Variants in TRIM62 observed in about 807,000 individuals in gnomAD.
TRIM62 encodes the protein tripartite motif containing 62, also known as E3 ubiquitin-protein ligase TRIM62.
A neutral mutation model predicts 44.2 loss-of-function variants in TRIM62; 39 were observed. That is an observed-to-expected ratio of 0.88 (90% CI 0.68 to 1.15). TRIM62 has a LOEUF of 1.15. TRIM62 is among the 50% of genes most tolerant of loss of function. The pLI is 0.00. For missense variants in TRIM62, 544 were observed against 665.5 expected, an observed-to-expected ratio of 0.82 and a Z score of 2.01; for synonymous variants, 278 against 292.3, an observed-to-expected ratio of 0.95 and a Z score of 0.50.
At chr1:33,173,318 G>A (rs1046727559) in intron 1 of TRIM62, among the ~76,000 whole-genome samples, 1 of 152,178 alleles carries the variant, frequency 6.6e-6, no homozygotes, top group Non-Finnish European at 1.5e-5. Context: ...AGACCTGGCC[G>A]GGCTGCACTT....
In TRIM62 at chr1:33,159,994, A is replaced by G. The variant is rs748734443; in HGVS notation, c.505-50T>C. On this transcript the variant is annotated intron_variant, in intron 2 of 4. Coordinates refer to ENST00000291416, the MANE Select transcript of TRIM62 (RefSeq NM_018207.3). The surrounding 1 kb of genome is among the most constrained non-coding windows in gnomAD (Gnocchi z 4.2). ...TATGGCTGGGGGAGCAGATGGGGTG[A>G]TCTCTGGGTGAGAGGAGGAAATCGA... is the stretch of plus-strand genomic sequence containing the variant. 8.2e-6 allele frequency: 13 copies of G among 1,579,574 alleles called. 1 individual carries two copies. The Middle Eastern group carries it at 6.7e-4, about 81-fold the overall frequency.
chr1:33,179,043 G>T (rs679602), intron 1 of TRIM62, among the ~76,000 whole-genome samples: 114,199 of 152,176 alleles, frequency 0.75, 42,857 homozygotes, highest in Admixed American at 0.78. Flanking sequence ...CTGTCTGGAA[G>T]TGTGGCCTTG....
At chr1:33,149,044 G>A (rs1645058632) in intron 4 of TRIM62, among the ~76,000 whole-genome samples, 1 of 152,132 alleles carries the variant, frequency 6.6e-6, no homozygotes. Context: ...TCTGCTTGTT[G>A]CAACCACCCC....
chr1:33,176,503 C>T (rs1211282713), intron 1 of TRIM62: 19 of 668,878 alleles, frequency 2.8e-5, no homozygotes, highest in Admixed American at 1.2e-4. Context: ...CTGGAGGGGG[C>T]GGCTGAGACT....
At chr1:33,153,459 G>A (rs949565532) in intron 4 of TRIM62, among the ~76,000 whole-genome samples, 1 of 152,198 alleles carries the variant, frequency 6.6e-6, no homozygotes, top group Non-Finnish European at 1.5e-5. Flanking sequence ...ATTTTTGGTT[G>A]TTACAACTGA....
At chr1:33,176,225 C>T (rs2147988916) in intron 1 of TRIM62, among the ~76,000 whole-genome samples, 1 of 152,366 alleles carries the variant, frequency 6.6e-6, no homozygotes. Flanking sequence ...TATTTAGCAA[C>T]TCTTTCTCTC....
chr1:33,170,175 C>G (rs1037257044), intron 1 of TRIM62, among the ~76,000 whole-genome samples: 1 of 152,102 alleles, frequency 6.6e-6, no homozygotes, highest in Non-Finnish European at 1.5e-5. Context: ...ACTAAAAATA[C>G]AAAAATTAGC....
chr1:33,174,962 T>TAC (rs1557762433), intron 1 of TRIM62, among the ~76,000 whole-genome samples: 8 of 102,420 alleles, frequency 7.8e-5, no homozygotes, highest in African/African-American at 2.5e-4. Context: ...TATATATATA[T>TAC]ATATATACAC....
chr1:33,150,350 A>G (rs1312888591), intron 4 of TRIM62, among the ~76,000 whole-genome samples: 2 of 152,244 alleles, frequency 1.3e-5, no homozygotes, highest in Non-Finnish European at 2.9e-5. Flanking sequence ...AGATGCCTCA[A>G]TGATGGGGAC....
chr1:33,147,061 A>G lies in TRIM62; in HGVS notation c.*116T>C, dbSNP rs1334217571. The G allele has an allele frequency of 2.0e-5, 22 of 1,115,740 alleles. No homozygotes were observed. In the East Asian group the frequency reaches 5.1e-4, roughly 26 times the overall value. The allele number at this position is 1,115,740 out of a possible 1,614,324, so 69.1% of individuals were successfully genotyped here. A position where few individuals can be genotyped will look rare whatever the true frequency, so the allele number is the denominator to read the frequency against. The stretch of plus-strand genomic sequence containing the variant: ...CAGACTGGAGGCTGGAGGGTAAACA[A>G]CTGGCCTGAGGTCTCCAGTGGCCAC... On this transcript the variant is annotated 3_prime_UTR_variant, in exon 5 of 5. Transcript: ENST00000291416. This position sits in a 1 kb window ranked among gnomAD's most constrained non-coding sequence, Gnocchi z 8.1.
chr1:33,160,741 A>T (rs1645255202), intron 2 of TRIM62, among the ~76,000 whole-genome samples: 1 of 152,186 alleles, frequency 6.6e-6, no homozygotes, highest in Admixed American at 6.5e-5. Flanking sequence ...CATGGGGCTC[A>T]TTCAGGGGGC....
chr1:33,150,161 A>G (rs1013148694), intron 4 of TRIM62, among the ~76,000 whole-genome samples: 20 of 152,258 alleles, frequency 1.3e-4, no homozygotes, highest in Admixed American at 1.3e-4. Flanking sequence ...ATTTCCAGGC[A>G]ACAGCAAGAC....
chr1:33,169,269 C>T (rs1645354426), intron 1 of TRIM62, among the ~76,000 whole-genome samples: 1 of 152,176 alleles, frequency 6.6e-6, no homozygotes, highest in South Asian at 2.1e-4. Context: ...GTGCACCCCT[C>T]CCCTAACTCC....
In TRIM62 at chr1:33,161,849, A is replaced by C. The variant is rs936708014; in HGVS notation, c.505-1905T>G. Among the ~76,000 whole-genome samples, 1 of 151,826 alleles carries C rather than the reference A, an allele frequency of 6.6e-6. No individual in the cohort carries two copies. The highest frequency in any genetic ancestry group is 2.4e-5 in the African/African-American group (1 of 41,322). ...AGTTGAAAGTTCTGCTTTGCCTCCCATCTCTGTGACTGCTGCCTCTCTGCC... is the reference window on the plus strand; with the variant it reads ...AGTTGAAAGTTCTGCTTTGCCTCCCCTCTCTGTGACTGCTGCCTCTCTGCC... On this transcript the variant is annotated intron_variant, in intron 2 of 4. Transcript: ENST00000291416. The surrounding 1 kb of genome is among the most constrained non-coding windows in gnomAD (Gnocchi z 4.3).
chr1:33,158,426 AG>A (rs1645211922), intron 3 of TRIM62, 58 bp from the exon 4 acceptor site: 5 of 1,485,428 alleles, frequency 3.4e-6, no homozygotes, highest in Non-Finnish European at 3.8e-6. Context: ...CCCCAATGCC[AG>A]GGGCCCCGCA....
At chr1:33,173,429 G>C (rs1253895276) in intron 1 of TRIM62, among the ~76,000 whole-genome samples, 2 of 152,154 alleles carry the variant, frequency 1.3e-5, no homozygotes, top group African/African-American at 4.8e-5. Flanking sequence ...GCATGCATGT[G>C]TATGTGTGTA....
In TRIM62 at chr1:33,147,241, G is replaced by C; in HGVS notation, c.1364C>G (p.Pro455Arg). The change falls in exon 5 of 5, where the codon CCT becomes CGT. Residue 455 changes from proline (P) to arginine (R), a missense_variant. Coordinates refer to ENST00000291416, the MANE Select transcript of TRIM62 (RefSeq NM_018207.3). The surrounding 1 kb of genome is among the most constrained non-coding windows in gnomAD (Gnocchi z 8.1). ...FPGKLCSYFS[P>R]GQSHANGKNV... ...CTTGCCATTGGCGTGGCTCTGGCCA[G>C]GGCTGAAGTAAGAGCAGAGCTTGCC... The C allele has an allele frequency of 6.2e-7, 1 of 1,614,060 alleles. No individual in the cohort carries two copies. The highest frequency in any genetic ancestry group is 8.5e-7 in the Non-Finnish European group (1 of 1,180,030).
chr1:33,146,863 G>A lies in TRIM62; in HGVS notation c.*314C>T, dbSNP rs113770552. On this transcript the variant is annotated 3_prime_UTR_variant, in exon 5 of 5. Transcript: ENST00000291416. ...CAGGGCTGGGCTGGAGGGAGACACT[G>A]GAAGGTAGTCCCCTGCCCCTGAGAA... The A allele has an allele frequency of 4.0e-4, 160 of 402,148 alleles. 1 individual carries two copies. Among genetic ancestry groups the A allele is most frequent in the African/African-American group, 2.7e-3 (135 of 49,632 alleles). The allele number at this position is 402,148 out of a possible 1,614,324, so 24.9% of individuals were successfully genotyped here.
At chr1:33,151,468 TAGGGCTAAC>T (rs1366193834) in intron 4 of TRIM62, among the ~76,000 whole-genome samples, 29 of 152,114 alleles carry the variant, frequency 1.9e-4, no homozygotes, top group African/African-American at 6.3e-4. Context: ...TCCCCGAGGC[TAGGGCTAAC>T]AGGAGTAACA....
Sources: allele counts gnomAD v4.1 joint callset (sites outside exome capture counted in the v4.1 genomes callset), GRCh38; gene constraint gnomAD v4.1.1; non-coding constraint Gnocchi (gnomAD v3.1); transcripts MANE v1.5; gene names NCBI Gene and HGNC (gene_info 2026-07-23, HGNC 2026-07-21).